ITIH2: variants seen among roughly 807,000 people sequenced by gnomAD.
ITIH2 encodes inter-alpha-trypsin inhibitor heavy chain 2, also known as inter-alpha-trypsin inhibitor heavy chain H2.
Under a neutral mutation model 104.4 loss-of-function variants are expected in ITIH2, and 103 were observed. That is an observed-to-expected ratio of 0.99 (90% CI 0.84 to 1.16). The LOEUF is 1.16. ITIH2 is among the 50% of genes most tolerant of loss of function. The probability of loss-of-function intolerance (pLI) is 0.00; values close to 1 mark genes in which losing one functional copy is unlikely to be tolerated. For missense variants in ITIH2, 1,108 were observed against 1,162.4 expected (o/e 0.95, Z 0.68); for synonymous variants, 436 against 435.4 (o/e 1.00, Z -0.02).
chr10:7,709,295 C>A, intron 4 of ITIH2, 104 bp downstream of exon 4: 1 of 1,013,070 alleles, frequency 9.9e-7, no homozygotes, highest in Non-Finnish European at 1.5e-6. Context: ...TCCCAGAGGA[C>A]CGGCTGGATG....
intron 2 of ITIH2, among the ~76,000 whole-genome samples, chr10:7,706,034 G>T (rs1374958325): frequency 6.6e-6 from 1 of 152,124 alleles, no homozygotes; most frequent in Non-Finnish European, 1.5e-5. Flanking sequence ...GAGAGAGGAG[G>T]TATTTACGGA....
intron 13 of ITIH2, 47 bp from the exon 14 acceptor site, chr10:7,732,291 A>G (rs778136289): frequency 1.3e-6 from 2 of 1,584,014 alleles, no homozygotes; most frequent in Non-Finnish European, 1.7e-6. Context: ...TCAATGAACT[A>G]TAATTCTGTT....
chr10:7,724,097 T>C (rs1834930823), intron 9 of ITIH2, among the ~76,000 whole-genome samples: 2 of 152,190 alleles, frequency 1.3e-5, no homozygotes, highest in African/African-American at 4.8e-5. Flanking sequence ...TAGGCTTACT[T>C]AGTGATAAGT....
chr10:7,740,435 A>C (rs1835113681), intron 16 of ITIH2, among the ~76,000 whole-genome samples: 1 of 152,152 alleles, frequency 6.6e-6, no homozygotes, highest in African/African-American at 2.4e-5. Context: ...TCCGTGCGTA[A>C]GTTGATCATG....
At chr10:7,733,974 T>G (rs182299656) in intron 14 of ITIH2, among the ~76,000 whole-genome samples, 40 of 151,052 alleles carry the variant, frequency 2.6e-4, no homozygotes, top group African/African-American at 9.7e-4. Flanking sequence ...TATTTACAGG[T>G]ATATAGCAAA....
chr10:7,749,176 CTT>C lies in ITIH2; in HGVS notation c.2694-10_2694-9del. ...AGTCTCCCCCTAACCACATGCCTTG[CTT>C]CCTTGCAGGGGCTTACAGAAAGACT... is the stretch of plus-strand genomic sequence containing the variant. On this transcript the variant is annotated splice_polypyrimidine_tract_variant and intron_variant, in intron 20 of 20. Coordinates refer to ENST00000358415, the MANE Select transcript of ITIH2 (RefSeq NM_002216.3). 6.2e-7 allele frequency: 1 copy of C among 1,613,866 alleles called. No individual in the cohort carries two copies. The highest frequency in any genetic ancestry group is 1.1e-5 in the South Asian group (1 of 91,036).
At chr10:7,727,242 T>C (rs1834959206) in intron 10 of ITIH2, 124 bp downstream of exon 10, 15 of 744,422 alleles carry the variant, frequency 2.0e-5, no homozygotes, top group Non-Finnish European at 3.0e-5. Flanking sequence ...TCTTAAATAA[T>C]ACATTTATTG....
At chr10:7,739,512 G>C (rs1376538978) in intron 16 of ITIH2, among the ~76,000 whole-genome samples, 1 of 152,068 alleles carries the variant, frequency 6.6e-6, no homozygotes, top group Non-Finnish European at 1.5e-5. Context: ...AAGCCTCAAA[G>C]CTGGTTCTCC....
chr10:7,725,770 A>G (rs1449625469), intron 9 of ITIH2, among the ~76,000 whole-genome samples: 1 of 152,244 alleles, frequency 6.6e-6, no homozygotes, highest in Non-Finnish European at 1.5e-5. Flanking sequence ...GGAGACACAC[A>G]GTTAGGACTC....
At chr10:7,726,834 G>T in intron 9 of ITIH2, 116 bp from the exon 10 acceptor site, 1 of 870,830 alleles carries the variant, frequency 1.1e-6, no homozygotes. Context: ...TTTTCTGGAA[G>T]AAGTTTAGCT....
At chr10:7,739,186 G>A (rs1012089266) in intron 16 of ITIH2, among the ~76,000 whole-genome samples, 10 of 152,070 alleles carry the variant, frequency 6.6e-5, no homozygotes, top group Non-Finnish European at 1.0e-4. Context: ...GAGCTGCCCC[G>A]GGGAAATGGG....
At chr10:7,733,140 C>T (rs1298731930) in intron 14 of ITIH2, among the ~76,000 whole-genome samples, 7 of 152,056 alleles carry the variant, frequency 4.6e-5, no homozygotes, top group Non-Finnish European at 7.4e-5. Flanking sequence ...ACCCACCCCC[C>T]TCCTCCACTG....
chr10:7,717,902 A>T (rs7090433), intron 6 of ITIH2, 114 bp downstream of exon 6: 2 of 1,014,724 alleles, frequency 2.0e-6, no homozygotes, highest in Non-Finnish European at 3.0e-6. Flanking sequence ...ACTCAACTCT[A>T]CAAGACAGTG....
In ITIH2 at chr10:7,726,936, C is replaced by A. The variant is rs371925713; in HGVS notation, c.985-14C>A. The A allele has an allele frequency of 6.3e-7, 1 of 1,579,262 alleles. No homozygotes were observed. The highest frequency in any genetic ancestry group is 1.4e-5 in the African/African-American group (1 of 73,798). Reference sequence around the variant, plus strand: ...TTCTGTAATGGGACCTGTCTTTATTCTCTATTGAAATAGACTGTGGAAGCA... The same window carrying A: ...TTCTGTAATGGGACCTGTCTTTATTATCTATTGAAATAGACTGTGGAAGCA... On this transcript the variant is annotated splice_polypyrimidine_tract_variant and intron_variant, in intron 9 of 20. Transcript: ENST00000358415.
Position 7,748,521 on chromosome 10 carries a change from C to CTTTTTTTTTTTTTTTTTTTTTTT in ITIH2, c.2694-651_2694-629dup, listed in dbSNP as rs549517172. 7.4e-5 allele frequency among the ~76,000 whole-genome samples: 2 copies of CTTTTTTTTTTTTTTTTTTTTTTT among 27,130 alleles called. 1 individual carries two copies. The highest frequency in any genetic ancestry group is 1.3e-4 in the Non-Finnish European group (2 of 15,258). 17.8% of individuals were successfully genotyped at this position (27,130 alleles called of 152,430 possible). ...AGTTAAGAGGTGCCGCCAATGCATTCTTTTTTTTTTTTTTTTTTTTTTTTT... is the reference window on the plus strand; with the variant it reads ...AGTTAAGAGGTGCCGCCAATGCATTCTTTTTTTTTTTTTTTTTTTTTTTTTTTTTTTTTTTTTTTTTTTTTTTT... On this transcript the variant is annotated intron_variant, in intron 20 of 20. Coordinates refer to ENST00000358415, the MANE Select transcript of ITIH2 (RefSeq NM_002216.3).
In ITIH2 at chr10:7,735,081, CT is replaced by C; in HGVS notation, c.1948del (p.Cys650AlafsTer28). The C allele has an allele frequency of 6.2e-7, 1 of 1,608,118 alleles. No homozygotes were observed. Among genetic ancestry groups the C allele is most frequent in the Non-Finnish European group, 8.5e-7 (1 of 1,179,356 alleles). On this transcript the variant is annotated frameshift_variant, in exon 15 of 21. Transcript: ENST00000358415. LOFTEE classifies it high-confidence loss of function. Reference protein sequence around the residue: ...LADAPPQDPSCCSGALYYGSK... With the variant: ...LADAPPQDPSXCSGALYYGSK... ...CGGATGCCCCACCGCAGGATCCCTC[CT>C]GCTGCTCAGGTCAGGGCTGCACCTG...
chr10:7,732,135 T>G (rs756494157), intron 13 of ITIH2, 139 bp downstream of exon 13: 1 of 867,726 alleles, frequency 1.2e-6, no homozygotes, highest in East Asian at 2.5e-5. Context: ...AGAATATCTC[T>G]GCCATCTTCC....
intron 1 of ITIH2, among the ~76,000 whole-genome samples, chr10:7,703,989 T>G (rs912548725): frequency 6.6e-6 from 1 of 152,194 alleles, no homozygotes; most frequent in African/African-American, 2.4e-5. Context: ...CATATCTAAG[T>G]GAACAGTGAT....
Position 7,744,943 on chromosome 10 carries a change from C to G in ITIH2, c.2561C>G (p.Pro854Arg). ...IYIPPTNKFSPKAHGLIGQFM... is the reference protein window; with the variant it reads ...IYIPPTNKFSRKAHGLIGQFM... The stretch of plus-strand genomic sequence containing the variant: ...ATACCCCCTACAAACAAGTTCTCAC[C>G]TAAAGCCCACGGACTAATAGGTAAA... The change falls in exon 19 of 21, where the codon CCT becomes CGT. Residue 854 changes from proline to arginine, a missense_variant. Physicochemically the swap from Pro to Arg is moderately radical, Grantham distance 103. Coordinates refer to ENST00000358415, the MANE Select transcript of ITIH2 (RefSeq NM_002216.3). 6.2e-7 allele frequency: 1 copy of G among 1,614,032 alleles called. No homozygotes were observed. The highest frequency in any genetic ancestry group is 8.5e-7 in the Non-Finnish European group (1 of 1,179,936).
Sources: gnomAD v4.1 joint callset for allele counts (sites outside exome capture counted in the v4.1 genomes callset) on GRCh38, gnomAD v4.1.1 for gene constraint, MANE v1.5 for transcripts, NCBI Gene and HGNC (gene_info 2026-07-23, HGNC 2026-07-21) for gene names.